SPATS2L: variants seen among roughly 807,000 people sequenced by gnomAD.
SPATS2L encodes the protein SPATS2-like protein.
Under a neutral mutation model 59.6 loss-of-function variants are expected in SPATS2L, and 30 were observed. That is an observed-to-expected ratio of 0.50 (90% CI 0.38 to 0.68). SPATS2L has a LOEUF of 0.68. Among genes scored for constraint, SPATS2L ranks in the 30% least tolerant of loss-of-function variants. SPATS2L has a pLI of 0.00. For missense variants in SPATS2L, 615 were observed against 700.0 expected (o/e 0.88, Z 1.37); for synonymous variants, 252 against 263.5 (o/e 0.96, Z 0.42).
rs1035040517 is a variant in SPATS2L at position 200,384,036 on chromosome 2, C to T, written c.-22-5187C>T. 1.0e-5 allele frequency: 10 copies of T among 996,700 alleles called. No individual in the cohort carries two copies. The African/African-American group carries it at 1.0e-4, about 10-fold the overall frequency. 61.7% of individuals were successfully genotyped at this position (996,700 alleles called of 1,614,324 possible). A position where few individuals can be genotyped will look rare whatever the true frequency, so the allele number is the denominator to read the frequency against. On this transcript the variant is annotated intron_variant, in intron 2 of 12. Transcript: ENST00000409140. ...TTGATAGGTCAGTACATTGATAGAA[C>T]TTTGCATGTTTTATGTGATTGCATT... is the stretch of plus-strand genomic sequence containing the variant.
chr2:200,477,782 CAACGGCTTCCGGCCCAAA>C lies in SPATS2L; in HGVS notation c.1432_1449del (p.Gly478_Asn483del). ...GCCACGAACACAGAAGACAGCCGCACAACGGCTTCCGGCCCAAAAACAAAGGCGGTGCCAAAAATCAAG... is the reference window on the plus strand; with the variant it reads ...GCCACGAACACAGAAGACAGCCGCACAACAAAGGCGGTGCCAAAAATCAAG... On this transcript the variant is annotated inframe_deletion, in exon 13 of 13. Coordinates refer to ENST00000409140, the MANE Select transcript of SPATS2L (RefSeq NM_001100423.2). The C allele has an allele frequency of 1.3e-6, 2 of 1,577,984 alleles. No individual in the cohort carries two copies. The highest frequency in any genetic ancestry group is 1.7e-6 in the Non-Finnish European group (2 of 1,161,764).
At chr2:200,468,347 T>TACACACAC (rs141831238) in intron 10 of SPATS2L, among the ~76,000 whole-genome samples, 3,695 of 110,142 alleles carry the variant, frequency 0.034, 181 homozygotes, top group African/African-American at 0.077. Flanking sequence ...CCCAGTATAC[T>TACACACAC]ACACACACAC....
At chr2:200,448,194 C>T (rs1301504028) in intron 8 of SPATS2L, among the ~76,000 whole-genome samples, 4 of 152,290 alleles carry the variant, frequency 2.6e-5, no homozygotes, top group African/African-American at 2.4e-5. Context: ...GTAATCCCAG[C>T]ACTTTGGGAG....
chr2:200,401,335 T>C (rs1361581010), intron 3 of SPATS2L, among the ~76,000 whole-genome samples: 3 of 151,418 alleles, frequency 2.0e-5, no homozygotes, highest in Non-Finnish European at 4.4e-5. Context: ...TAGTGAAAAA[T>C]AGATTGTTGT....
rs1392865692 is a variant in SPATS2L, at chr2:200,396,050, A to ATG, written c.39+6768_39+6769insGT. ...AAAAAAAAAATATATATATATATAT[A>ATG]TATATATATATATATATTTTCCCAT... On this transcript the variant is annotated intron_variant, in intron 3 of 12. Coordinates refer to ENST00000409140, the MANE Select transcript of SPATS2L (RefSeq NM_001100423.2). Among the ~76,000 whole-genome samples, 21 of 90,522 alleles carry ATG rather than the reference A, an allele frequency of 2.3e-4. 1 individual carries two copies. Among genetic ancestry groups the ATG allele is most frequent in the Non-Finnish European group, 4.3e-4 (19 of 44,052 alleles). The allele number at this position is 90,522 out of a possible 152,430, so 59.4% of individuals were successfully genotyped here. A position where few individuals can be genotyped will look rare whatever the true frequency, so the allele number is the denominator to read the frequency against.
intron 1 of SPATS2L, among the ~76,000 whole-genome samples, chr2:200,323,310 G>T (rs982774554): frequency 2.0e-5 from 3 of 152,152 alleles, no homozygotes; most frequent in Non-Finnish European, 4.4e-5. Context: ...AGGGTCAGAT[G>T]TATTGAGCAA....
intron 2 of SPATS2L, among the ~76,000 whole-genome samples, chr2:200,344,531 T>C (rs1363495187): frequency 3.9e-5 from 6 of 152,192 alleles, no homozygotes; most frequent in Non-Finnish European, 8.8e-5. Context: ...GCAGTGAACA[T>C]TTGTGTGCAT....
intron 9 of SPATS2L, among the ~76,000 whole-genome samples, chr2:200,464,678 C>T (rs1205732019): frequency 6.6e-6 from 1 of 152,092 alleles, no homozygotes; most frequent in African/African-American, 2.4e-5. Flanking sequence ...CAGGGTCTTA[C>T]ATTGTTGTCC....
At chr2:200,410,738 C>T (rs2082847412) in intron 3 of SPATS2L, among the ~76,000 whole-genome samples, 1 of 152,012 alleles carries the variant, frequency 6.6e-6, no homozygotes, top group Non-Finnish European at 1.5e-5. Context: ...TGATTTTATA[C>T]CACTTAAGTG....
intron 2 of SPATS2L, among the ~76,000 whole-genome samples, chr2:200,340,823 T>C (rs1406031985): frequency 6.6e-6 from 1 of 152,220 alleles, no homozygotes; most frequent in African/African-American, 2.4e-5. Context: ...ATGGGGTTCT[T>C]TTCAGAAGGC....
At chr2:200,469,716 C>G (rs1207386750) in intron 10 of SPATS2L, 198 bp from the exon 11 acceptor site, 1 of 517,972 alleles carries the variant, frequency 1.9e-6, no homozygotes, top group African/African-American at 1.9e-5. Context: ...TCACATATTC[C>G]CCAGGCAGGA....
intron 3 of SPATS2L, among the ~76,000 whole-genome samples, chr2:200,395,675 A>T (rs1339743498): frequency 1.3e-5 from 2 of 152,084 alleles, no homozygotes; most frequent in African/African-American, 2.4e-5. Flanking sequence ...GGGGGAGCTT[A>T]TCTGTTTATT....
At chr2:200,402,151 A>G (rs1315661249) in intron 3 of SPATS2L, among the ~76,000 whole-genome samples, 1 of 152,210 alleles carries the variant, frequency 6.6e-6, no homozygotes, top group Non-Finnish European at 1.5e-5. Flanking sequence ...CCTGGACAGT[A>G]TTAGAATCCT....
At chr2:200,352,195 A>G (rs2080756241) in intron 2 of SPATS2L, among the ~76,000 whole-genome samples, 1 of 151,862 alleles carries the variant, frequency 6.6e-6, no homozygotes, top group Admixed American at 6.5e-5. Context: ...GTGTGAACAA[A>G]ACTGACAATT....
intron 7 of SPATS2L, among the ~76,000 whole-genome samples, chr2:200,439,600 AC>A (rs2084549240): frequency 6.6e-6 from 1 of 152,216 alleles, no homozygotes; most frequent in South Asian, 2.1e-4. Flanking sequence ...CACCACAAGT[AC>A]CTTCTATCCT....
intron 6 of SPATS2L, among the ~76,000 whole-genome samples, chr2:200,426,631 G>C (rs2083598876): frequency 6.6e-6 from 1 of 152,176 alleles, no homozygotes; most frequent in African/African-American, 2.4e-5. Flanking sequence ...TGGGGCTGAG[G>C]TGAGAGGATC....
At chr2:200,327,169 C>T (rs1381080786) in intron 1 of SPATS2L, among the ~76,000 whole-genome samples, 3 of 151,640 alleles carry the variant, frequency 2.0e-5, no homozygotes, top group African/African-American at 7.3e-5. Context: ...TTTGGGAGGC[C>T]GAGGAGGGCA....
At chr2:200,339,257 T>TA (rs2080244241) in intron 2 of SPATS2L, among the ~76,000 whole-genome samples, 2 of 152,208 alleles carry the variant, frequency 1.3e-5, no homozygotes, top group Non-Finnish European at 2.9e-5. Context: ...TCTTTTTTTT[T>TA]ATGCTTCTTT....
chr2:200,456,978 C>T (rs1409813772), intron 8 of SPATS2L, among the ~76,000 whole-genome samples: 1 of 152,126 alleles, frequency 6.6e-6, no homozygotes, highest in East Asian at 1.9e-4. Flanking sequence ...TCTCAGCTCT[C>T]CCACAAAGAA....
Sources: allele counts gnomAD v4.1 joint callset (sites outside exome capture counted in the v4.1 genomes callset), GRCh38; gene constraint gnomAD v4.1.1; transcripts MANE v1.5; gene names NCBI Gene and HGNC (gene_info 2026-07-23, HGNC 2026-07-21).